Variants in IRF2 observed in about 807,000 individuals in gnomAD.
IRF2 encodes the protein interferon regulatory factor 2.
Under a neutral mutation model 40.6 loss-of-function variants are expected in IRF2, and 15 were observed. The ratio of observed to expected loss-of-function variants is 0.37; its 90% CI spans 0.25 to 0.57. IRF2 has a LOEUF of 0.57. Among genes scored for constraint, IRF2 ranks in the 20% least tolerant of loss-of-function variants. IRF2 has a pLI of 0.77. For missense variants in IRF2, 317 were observed against 455.7 expected (o/e 0.70, Z 2.77); for synonymous variants, 151 against 165.5 (o/e 0.91, Z 0.67).
At chr4:184,389,190 C>T (rs1490638162) in intron 8 of IRF2, 124 bp from the exon 9 acceptor site, 2 of 910,554 alleles carry the variant, frequency 2.2e-6, no homozygotes, top group Non-Finnish European at 3.5e-6. Flanking sequence ...GAGGCTGAGG[C>T]TGGAGGATCA....
chr4:184,469,594 G>C (rs773362480), intron 1 of IRF2, among the ~76,000 whole-genome samples: 2 of 152,222 alleles, frequency 1.3e-5, no homozygotes, highest in Non-Finnish European at 2.9e-5. Context: ...AGGATCACTT[G>C]TGCCCAGGAG....
intron 6 of IRF2, among the ~76,000 whole-genome samples, chr4:184,406,673 C>A (rs558215248): frequency 1.3e-5 from 2 of 152,170 alleles, no homozygotes; most frequent in African/African-American, 4.8e-5. Flanking sequence ...CCTGAAACCA[C>A]GGCAAGTGCT....
chr4:184,432,349 T>C (rs185595302), intron 1 of IRF2, among the ~76,000 whole-genome samples: 227 of 152,354 alleles, frequency 1.5e-3, no homozygotes, highest in Non-Finnish European at 2.4e-3. Context: ...GGCAGACAAG[T>C]GTTCTTTTCA....
chr4:184,439,684 C>T (rs1313531401), intron 1 of IRF2, among the ~76,000 whole-genome samples: 3 of 152,198 alleles, frequency 2.0e-5, no homozygotes, highest in African/African-American at 7.2e-5. Flanking sequence ...ATTCTATGCA[C>T]AATTTTCCTA....
At chr4:184,443,035 C>T (rs1329492662) in intron 1 of IRF2, among the ~76,000 whole-genome samples, 1 of 152,152 alleles carries the variant, frequency 6.6e-6, no homozygotes, top group East Asian at 1.9e-4. Flanking sequence ...AAGCGATTCT[C>T]CTGCCTCAGC....
chr4:184,400,291 G>A (rs1736619891), intron 6 of IRF2, among the ~76,000 whole-genome samples: 1 of 152,156 alleles, frequency 6.6e-6, no homozygotes, highest in African/African-American at 2.4e-5. Flanking sequence ...TTCATTTCAA[G>A]GATGTTATAT....
At chr4:184,394,089 TCTGGAGTTGCTTCTCCAGCA>T (rs1319950870) in intron 7 of IRF2, among the ~76,000 whole-genome samples, 2 of 152,234 alleles carry the variant, frequency 1.3e-5, no homozygotes, top group African/African-American at 2.4e-5. Flanking sequence ...AATAAAGAAG[TCTGGAGTTGCTTCTCCAGCA>T]ACTCCAAACA....
rs116476312 is a variant in IRF2 at position 184,433,442 on chromosome 4, G to T, written c.-6-4372C>A. Among the ~76,000 whole-genome samples, 634 of 152,238 alleles carry T rather than the reference G, an allele frequency of 4.2e-3. 5 individuals carry two copies. Among genetic ancestry groups the T allele is most frequent in the African/African-American group, 0.015 (609 of 41,536 alleles). On this transcript the variant is annotated intron_variant, in intron 1 of 8. Transcript: ENST00000393593. ...CGGCGTGCCGGGCTTGTCATCCACC[G>T]GCTGGGTGCATTCCTCACTTACGCA...
At chr4:184,447,996 A>G (rs987825859) in intron 1 of IRF2, among the ~76,000 whole-genome samples, 31 of 152,234 alleles carry the variant, frequency 2.0e-4, no homozygotes, top group Non-Finnish European at 4.1e-4. Context: ...CAGGGTCTCA[A>G]TGGAGACTAT....
chr4:184,416,345 GA>G (rs143280573), intron 5 of IRF2, among the ~76,000 whole-genome samples: 81 of 94,442 alleles, frequency 8.6e-4, no homozygotes, highest in African/African-American at 1.2e-3. Context: ...AAAAAAAAAC[GA>G]AAAAAAAAAC....
rs148758064 is a variant in IRF2 at position 184,418,647 on chromosome 4, G to A, written c.249C>T (p.Cys83=). 2.0e-3 allele frequency: 3,174 copies of A among 1,613,926 alleles called. 7 individuals are homozygous for A. The highest frequency in any genetic ancestry group is 4.0e-3 in the South Asian group (360 of 91,054). The change falls in exon 4 of 9, where the codon TGC becomes TGT. Residue 83 remains cysteine (C), a synonymous_variant. Transcript: ENST00000393593. ...CAATATCAGGCAAGGAATTCATGGCGCATCTGAAATTCGCCTTCCATGTTT... is the reference window on the plus strand; with the variant it reads ...CAATATCAGGCAAGGAATTCATGGCACATCTGAAATTCGCCTTCCATGTTT... ...DPKTWKANFR[C]AMNSLPDIEE... is the part of the protein sequence containing the mutation.
chr4:184,389,136 C>A (rs1736159916), intron 8 of IRF2, 70 bp from the exon 9 acceptor site: 1 of 1,481,544 alleles, frequency 6.7e-7, no homozygotes, highest in East Asian at 2.3e-5. Context: ...AAATGCATCA[C>A]TGGCCAGGTG....
At chr4:184,390,496 C>T (rs1316560099) in intron 8 of IRF2, among the ~76,000 whole-genome samples, 1 of 152,224 alleles carries the variant, frequency 6.6e-6, no homozygotes, top group African/African-American at 2.4e-5. Context: ...AACTCCCTTT[C>T]CTCCTTTCAG....
chr4:184,442,436 AG>A (rs1204666858), intron 1 of IRF2, among the ~76,000 whole-genome samples: 2 of 152,190 alleles, frequency 1.3e-5, no homozygotes, highest in Non-Finnish European at 2.9e-5. Flanking sequence ...GCCATAAAGC[AG>A]GGCCACCTGG....
intron 1 of IRF2, among the ~76,000 whole-genome samples, chr4:184,451,815 G>T: frequency 6.6e-6 from 1 of 152,080 alleles, no homozygotes; most frequent in South Asian, 2.1e-4. Context: ...AATGTTCCCT[G>T]GGGCCCTTCC....
chr4:184,429,617 T>G (rs1358373024), intron 1 of IRF2, among the ~76,000 whole-genome samples: 1 of 152,170 alleles, frequency 6.6e-6, no homozygotes, highest in Non-Finnish European at 1.5e-5. Flanking sequence ...CAACTACCCG[T>G]CCCTCCTGAC....
At chr4:184,402,716 G>C (rs1736710767) in intron 6 of IRF2, among the ~76,000 whole-genome samples, 1 of 152,178 alleles carries the variant, frequency 6.6e-6, no homozygotes, top group Admixed American at 6.5e-5. Flanking sequence ...CTAGAAAAAT[G>C]TCAAGACTTC....
In IRF2 at chr4:184,462,775, T is replaced by C. The variant is rs190459865; in HGVS notation, c.-7+11604A>G. 2.2e-3 allele frequency among the ~76,000 whole-genome samples: 331 copies of C among 152,368 alleles called. 2 individuals are homozygous for C. The highest frequency in any genetic ancestry group is 7.6e-3 in the African/African-American group (318 of 41,594). ...CCTAATACAAAGTAACAAATCCTAA[T>C]GCAAAGTGACAAATCCTAATGTTTA... On this transcript the variant is annotated intron_variant, in intron 1 of 8. Coordinates refer to ENST00000393593, the MANE Select transcript of IRF2 (RefSeq NM_002199.4).
intron 1 of IRF2, among the ~76,000 whole-genome samples, chr4:184,451,565 G>C (rs1738715923): frequency 1.3e-5 from 2 of 152,306 alleles, no homozygotes; most frequent in South Asian, 4.1e-4. Flanking sequence ...CCATTATCAT[G>C]AGAACTGAGG....
Sources: gnomAD v4.1 joint callset for allele counts (sites outside exome capture counted in the v4.1 genomes callset) on GRCh38, gnomAD v4.1.1 for gene constraint, MANE v1.5 for transcripts, NCBI Gene and HGNC (gene_info 2026-07-23, HGNC 2026-07-21) for gene names.